VPS37D: variants seen among roughly 807,000 people sequenced by gnomAD.
VPS37D encodes vacuolar protein sorting-associated protein 37D.
A neutral mutation model predicts 22.0 loss-of-function variants in VPS37D; 5 were observed. The ratio of observed to expected loss-of-function variants is 0.23; its 90% CI spans 0.12 to 0.48. The LOEUF (loss-of-function observed/expected upper bound fraction) is 0.48, where lower values mean the gene tolerates loss of function less well. Ranked by LOEUF, VPS37D falls within the 20% of genes least tolerant of loss-of-function variation. The probability of loss-of-function intolerance (pLI) is 0.99; values close to 1 mark genes in which losing one functional copy is unlikely to be tolerated. For synonymous variants in VPS37D, 174 were observed against 159.3 expected (o/e 1.09, Z -0.69); for missense variants, 384 against 345.8 (o/e 1.11, Z -0.88).
chr7:73,665,891 C>T (rs889317059), upstream of VPS37D, among the ~76,000 whole-genome samples: 1 of 152,138 alleles, frequency 6.6e-6, no homozygotes, highest in African/African-American at 2.4e-5. Context: ...TGCTCCATTT[C>T]CCAGGCTGGA....
upstream of VPS37D, among the ~76,000 whole-genome samples, chr7:73,667,345 G>A (rs1797397209): frequency 1.3e-5 from 2 of 151,522 alleles, no homozygotes; most frequent in African/African-American, 4.8e-5. Flanking sequence ...TGCCCAGGCT[G>A]GTCTCAAACT....
At chr7:73,667,408 G>A (rs986884134), upstream of VPS37D, among the ~76,000 whole-genome samples, 1 of 152,170 alleles carries the variant, frequency 6.6e-6, no homozygotes, top group Non-Finnish European at 1.5e-5. Flanking sequence ...TGGAATTACA[G>A]GAGAGAGCCA....
rs1797419985 is a variant in VPS37D at position 73,667,991 on chromosome 7, G to A, written c.33G>A (p.Pro11=). The A allele has an allele frequency of 3.6e-6, 4 of 1,099,678 alleles. No homozygotes were observed. Among genetic ancestry groups the A allele is most frequent in the Non-Finnish European group, 3.3e-6 (3 of 900,660 alleles). The allele number at this position is 1,099,678 out of a possible 1,614,324, so 68.1% of individuals were successfully genotyped here. ...GGGCCCGGGCGGCGCGGGCGGGGCC[G>A]GAGCCCGGCAGCCCGGGGCGCTTTG... is the stretch of plus-strand genomic sequence containing the variant. MYRARAARAG[P]EPGSPGRFGI... is the part of the protein sequence containing the mutation. Residue 11 remains proline (P), a synonymous_variant, in exon 1 of 4, where the codon CCG becomes CCA. Coordinates refer to ENST00000324941, the MANE Select transcript of VPS37D (RefSeq NM_001077621.2).
Position 73,669,536 on chromosome 7 carries a change from T to C in VPS37D, c.256T>C (p.Tyr86His). Reference protein sequence around the residue: ...EMGRAALAIKYQELREVAENC... With the variant: ...EMGRAALAIKHQELREVAENC... ...GGGCCGGGCTGCCCTGGCCATCAAA[T>C]ACCAGGAGCTTCGTGAGGTGGCCGA... The change falls in exon 2 of 4, where the codon TAC becomes CAC. Residue 86 changes from tyrosine to histidine, a missense_variant. By Grantham distance (83) the Tyr-to-His change is moderately conservative. Coordinates refer to ENST00000324941, the MANE Select transcript of VPS37D (RefSeq NM_001077621.2). 1 of 1,588,354 alleles carries C rather than the reference T, an allele frequency of 6.3e-7. No homozygotes were observed. The highest frequency in any genetic ancestry group is 8.6e-7 in the Non-Finnish European group (1 of 1,167,584).
chr7:73,667,928 A>T lies in VPS37D; in HGVS notation c.-31A>T, dbSNP rs1226718384. On this transcript the variant is annotated 5_prime_UTR_variant, in exon 1 of 4. Transcript: ENST00000324941. ...CGGAGCGGGCCGAGCGGGCCGAGCC[A>T]GCAGCCGAGCTGGGGGCGCGGGCGG... The T allele has an allele frequency of 4.2e-5, 38 of 898,842 alleles. No individual in the cohort carries two copies. Among genetic ancestry groups the T allele is most frequent in the Non-Finnish European group, 5.0e-5 (37 of 744,918 alleles). 55.7% of individuals were successfully genotyped at this position (898,842 alleles called of 1,614,324 possible).
rs1029002937 is a variant in VPS37D at position 73,671,255 on chromosome 7, G to A, written c.635G>A (p.Arg212Gln). ...GAARGPPAVPRSLPPLDSRPV... is the reference protein window; with the variant it reads ...GAARGPPAVPQSLPPLDSRPV... ...GCCCGGGGGCCACCAGCAGTGCCCC[G>A]GAGCCTGCCCCCCTTGGACTCCCGC... Residue 212 changes from arginine (R) to glutamine (Q), a missense_variant, in exon 4 of 4, where the codon CGG becomes CAG. Transcript: ENST00000324941. 9.2e-6 allele frequency: 14 copies of A among 1,513,730 alleles called. No individual in the cohort carries two copies. The highest frequency in any genetic ancestry group is 2.1e-4 in the Middle Eastern group (1 of 4,810). The allele number at this position is 1,513,730 out of a possible 1,614,324, so 93.8% of individuals were successfully genotyped here. A position where few individuals can be genotyped will look rare whatever the true frequency, so the allele number is the denominator to read the frequency against.
chr7:73,668,740 G>C (rs762484547), intron 1 of VPS37D, among the ~76,000 whole-genome samples: 11 of 152,106 alleles, frequency 7.2e-5, no homozygotes, highest in Non-Finnish European at 1.0e-4. Context: ...CCAGGGGCAG[G>C]GAGGGGAGGT....
chr7:73,671,302 T>C lies in VPS37D; in HGVS notation c.682T>C (p.Ser228Pro). 1 of 1,389,316 alleles carries C rather than the reference T, an allele frequency of 7.2e-7. No homozygotes were observed. The highest frequency in any genetic ancestry group is 9.3e-7 in the Non-Finnish European group (1 of 1,069,622). 86.1% of individuals were successfully genotyped at this position (1,389,316 alleles called of 1,614,324 possible). Residue 228 changes from serine to proline, a missense_variant, in exon 4 of 4, where the codon TCC becomes CCC. Ser to Pro is a moderately conservative substitution (Grantham distance 74, BLOSUM62 -1). Transcript: ENST00000324941. ...CCGCCCAGTGCCCCCACTGAAGGGC[T>C]CCCCCGGGTGCCCCCTCGGCCCGGC... ...DSRPVPPLKG[S>P]PGCPLGPAPL...
chr7:73,669,197 T>G (rs1390960436), intron 1 of VPS37D, among the ~76,000 whole-genome samples: 1 of 152,146 alleles, frequency 6.6e-6, no homozygotes, highest in African/African-American at 2.4e-5. Flanking sequence ...ACTCGATTTG[T>G]AAAAGAGGAA....
In VPS37D at chr7:73,668,033, G is replaced by C. The variant is rs1797421235; in HGVS notation, c.75G>C (p.Gly25=). The C allele has an allele frequency of 6.0e-6, 7 of 1,163,110 alleles. No individual in the cohort carries two copies. Among genetic ancestry groups the C allele is most frequent in the Non-Finnish European group, 7.5e-6 (7 of 933,088 alleles). The allele number at this position is 1,163,110 out of a possible 1,614,324, so 72.0% of individuals were successfully genotyped here. ...SPGRFGILST[G]QLRDLLQDEP... ...GGCGCTTTGGGATCCTCAGCACCGG[G>C]CAGCTCCGGGACCTGCTTCAGGATG... Residue 25 remains glycine (G), a synonymous_variant, in exon 1 of 4, where the codon GGG becomes GGC. Transcript: ENST00000324941.
Position 73,671,900 on chromosome 7 carries a change from C to T in VPS37D, c.*524C>T, listed in dbSNP as rs1797527247. 6.6e-6 allele frequency: 1 copy of T among 152,348 alleles called. No homozygotes were observed. Among genetic ancestry groups the T allele is most frequent in the African/African-American group, 2.4e-5 (1 of 41,462 alleles). 9.4% of individuals were successfully genotyped at this position (152,348 alleles called of 1,614,324 possible). On this transcript the variant is annotated 3_prime_UTR_variant, in exon 4 of 4. Transcript: ENST00000324941. ...CCATGGCCCTGGGGCTACTACGTGT[C>T]CACACATGCTCCAGACCCTGGGGCA...
At chr7:73,668,896 T>G (rs1584193723) in intron 1 of VPS37D, among the ~76,000 whole-genome samples, 1 of 147,616 alleles carries the variant, frequency 6.8e-6, no homozygotes, top group Non-Finnish European at 1.5e-5. Context: ...GAAGAGAGGG[T>G]GACCCGAGGG....
rs1350770932 is a variant in VPS37D at position 73,671,398 on chromosome 7, G to C, written c.*22G>C. ...GTAGGATCCACGGTGCGGCCCCCCA[G>C]TTGGGGGGCCTAGACAAACTTGATG... On this transcript the variant is annotated 3_prime_UTR_variant, in exon 4 of 4. Transcript: ENST00000324941. 1.5e-6 allele frequency: 2 copies of C among 1,343,518 alleles called. No homozygotes were observed. Among genetic ancestry groups the C allele is most frequent in the South Asian group, 3.5e-5 (2 of 57,536 alleles). The allele number at this position is 1,343,518 out of a possible 1,614,324, so 83.2% of individuals were successfully genotyped here.
In VPS37D at chr7:73,671,467, CAGGCCCCTCCCCCT is replaced by C. The variant is rs1797514382; in HGVS notation, c.*92_*105del. ...CCCACTGCCTGGGTGGGGGGAGGGG[CAGGCCCCTCCCCCT>C]GGCCTCAGGCAGGCCCTGGCCCTGG... On this transcript the variant is annotated 3_prime_UTR_variant, in exon 4 of 4. Coordinates refer to ENST00000324941, the MANE Select transcript of VPS37D (RefSeq NM_001077621.2). The C allele has an allele frequency of 3.8e-6, 2 of 531,908 alleles. No homozygotes were observed. The highest frequency in any genetic ancestry group is 6.0e-6 in the Non-Finnish European group (2 of 331,586). The allele number at this position is 531,908 out of a possible 1,614,324, so 32.9% of individuals were successfully genotyped here.
chr7:73,667,689 C>G (rs2116624958), upstream of VPS37D: 1 of 153,172 alleles, frequency 6.5e-6, no homozygotes, highest in African/African-American at 2.4e-5. Flanking sequence ...GCGGGGAGAT[C>G]GGGTTGCTGG....
chr7:73,670,651 C>CA (rs1272623489), intron 3 of VPS37D, among the ~76,000 whole-genome samples: 11 of 150,940 alleles, frequency 7.3e-5, no homozygotes, highest in South Asian at 2.1e-4. Flanking sequence ...CTACAAAATA[C>CA]AAAAAAAAAT....
rs377457346 is a variant in VPS37D, at chr7:73,669,569, G to A, written c.289G>A (p.Ala97Thr). The A allele has an allele frequency of 1.3e-5, 21 of 1,592,258 alleles. No homozygotes were observed. In the Middle Eastern group the frequency reaches 9.9e-4, roughly 75 times the overall value. ...GCTTCGTGAGGTGGCCGAGAACTGC[G>A]CGGACAAGCTGCAGCGACTGGGTGA... Reference protein sequence around the residue: ...QELREVAENCADKLQRLEESM... With the variant: ...QELREVAENCTDKLQRLEESM... Residue 97 changes from alanine (A) to threonine (T), a missense_variant, in exon 2 of 4, where the codon GCG (alanine) becomes ACG (threonine). By Grantham distance (58) the Ala-to-Thr change is moderately conservative. Transcript: ENST00000324941.
At chr7:73,668,385 G>T (rs1797430280) in intron 1 of VPS37D, among the ~76,000 whole-genome samples, 1 of 151,986 alleles carries the variant, frequency 6.6e-6, no homozygotes, top group Non-Finnish European at 1.5e-5. Flanking sequence ...GGGGGGCTGT[G>T]TTGTGGGGGG....
intron 2 of VPS37D, 46 bp downstream of exon 2, chr7:73,669,636 TG>T: frequency 6.5e-7 from 1 of 1,542,972 alleles, no homozygotes; most frequent in Non-Finnish European, 8.8e-7. Flanking sequence ...TGGGGGCAGT[TG>T]GCCATCCGGT....
Sources: gnomAD v4.1 joint callset for allele counts (sites outside exome capture counted in the v4.1 genomes callset) on GRCh38, gnomAD v4.1.1 for gene constraint, MANE v1.5 for transcripts, NCBI Gene and HGNC (gene_info 2026-07-23, HGNC 2026-07-21) for gene names.